Variants in SOCS7 observed in about 807,000 individuals in gnomAD.
SOCS7 encodes NAP-4.
Under a neutral mutation model 58.9 loss-of-function variants are expected in SOCS7, and 18 were observed. The observed-to-expected ratio is 0.31, with a 90% confidence interval of 0.21 to 0.45. The LOEUF (loss-of-function observed/expected upper bound fraction) is 0.45. Ranked by LOEUF, SOCS7 falls within the 20% of genes least tolerant of loss-of-function variation. The probability of loss-of-function intolerance (pLI) is 1.00; values close to 1 mark genes in which losing one functional copy is unlikely to be tolerated. For missense variants in SOCS7, 667 were observed against 837.3 expected (o/e 0.80, Z 2.51); for synonymous variants, 388 against 364.3 (o/e 1.06, Z -0.74).
intron 1 of SOCS7, among the ~76,000 whole-genome samples, chr17:38,360,521 T>A (rs1555567420): frequency 1.3e-5 from 2 of 149,376 alleles, no homozygotes; most frequent in Non-Finnish European, 3.0e-5. Flanking sequence ...TTTTTTATTT[T>A]TTTATTTTTA....
intron 7 of SOCS7, among the ~76,000 whole-genome samples, chr17:38,393,355 G>A (rs914535383): frequency 6.6e-6 from 1 of 152,054 alleles, no homozygotes; most frequent in Non-Finnish European, 1.5e-5. Flanking sequence ...AAACTATCTG[G>A]GCCGGGCATG....
At chr17:38,387,098 AAAAAATAT>A (rs2038078984) in intron 7 of SOCS7, among the ~76,000 whole-genome samples, 1 of 89,532 alleles carries the variant, frequency 1.1e-5, no homozygotes, top group Non-Finnish European at 1.9e-5. Context: ...AAAAAAAAAA[AAAAAATAT>A]ATATATATAT....
chr17:38,390,393 G>A (rs1181552977), intron 7 of SOCS7, among the ~76,000 whole-genome samples: 1 of 151,878 alleles, frequency 6.6e-6, no homozygotes, highest in Non-Finnish European at 1.5e-5. Flanking sequence ...GACTATTTTG[G>A]GTCTCTTGCA....
rs1002852051 is a variant in SOCS7 at position 38,405,291 on chromosome 17, G to A, written c.*5809G>A. Reference sequence around the variant, plus strand: ...TAAACAAAACAAATGCACTTTGGGTGTGTTTTGGTATTTTTCTGGGGATAG... The same window carrying A: ...TAAACAAAACAAATGCACTTTGGGTATGTTTTGGTATTTTTCTGGGGATAG... On this transcript the variant is annotated 3_prime_UTR_variant, in exon 10 of 10. Transcript: ENST00000612932. 3.3e-5 allele frequency: 5 copies of A among 152,158 alleles called. No individual in the cohort carries two copies. The highest frequency in any genetic ancestry group is 1.2e-4 in the African/African-American group (5 of 41,488). 9.4% of individuals were successfully genotyped at this position (152,158 alleles called of 1,614,324 possible).
chr17:38,384,850 C>G (rs1414545081), intron 7 of SOCS7, among the ~76,000 whole-genome samples: 2 of 151,122 alleles, frequency 1.3e-5, no homozygotes, highest in East Asian at 3.9e-4. Context: ...CTCAGCCTCC[C>G]AAAGTGCTGG....
chr17:38,393,817 A>G (rs749716236), intron 7 of SOCS7, among the ~76,000 whole-genome samples: 98 of 146,298 alleles, frequency 6.7e-4, no homozygotes, highest in Non-Finnish European at 9.8e-4. Context: ...GGAGAATGGC[A>G]TGAACCCGGG....
At chr17:38,391,606 G>A (rs72834019) in intron 7 of SOCS7, among the ~76,000 whole-genome samples, 3 of 151,882 alleles carry the variant, frequency 2.0e-5, no homozygotes, top group Non-Finnish European at 2.9e-5. Flanking sequence ...TCCCTATGTT[G>A]CCCAGGCCAA....
chr17:38,387,133 G>GTATATATATATATATATATATGTATATA (rs1191192504), intron 7 of SOCS7, among the ~76,000 whole-genome samples: 1 of 73,484 alleles, frequency 1.4e-5, no homozygotes, highest in African/African-American at 7.0e-5. Flanking sequence ...ATATATGTAT[G>GTATATATATATATATATATATGTATATA]TATATATATA....
chr17:38,364,584 T>C (rs1012590332), intron 2 of SOCS7, among the ~76,000 whole-genome samples, 168 bp from the exon 3 acceptor site: 4 of 152,172 alleles, frequency 2.6e-5, no homozygotes, highest in African/African-American at 9.7e-5. Context: ...AATTTAAAAA[T>C]TGACTTCCTG....
intron 7 of SOCS7, among the ~76,000 whole-genome samples, chr17:38,389,799 A>G (rs1454907462): frequency 7.9e-6 from 1 of 127,024 alleles, no homozygotes; most frequent in Non-Finnish European, 1.7e-5. Context: ...TAGCTTTTAC[A>G]TTAGGTCTAC....
intron 5 of SOCS7, 99 bp downstream of exon 5, chr17:38,366,516 A>G: frequency 7.0e-7 from 1 of 1,426,740 alleles, no homozygotes; most frequent in Non-Finnish European, 9.7e-7. Flanking sequence ...ATTTTTAGAG[A>G]CAGGGTCTGG....
chr17:38,393,940 A>AC (rs1314143622), intron 7 of SOCS7, among the ~76,000 whole-genome samples: 1 of 152,122 alleles, frequency 6.6e-6, no homozygotes, highest in Non-Finnish European at 1.5e-5. Context: ...TTGAACTTAA[A>AC]CCCCAATAAT....
At chr17:38,353,805 G>T (rs954899128) in intron 1 of SOCS7, among the ~76,000 whole-genome samples, 1 of 152,128 alleles carries the variant, frequency 6.6e-6, no homozygotes, top group Non-Finnish European at 1.5e-5. Context: ...AGGCGGGAGT[G>T]GTCCCAGCTA....
At position 38,352,889 on chromosome 17, in the gene SOCS7, T is replaced by G; in HGVS notation, c.837T>G (p.Ser279Arg). Residue 279 changes from serine (S) to arginine (R), a missense_variant, in exon 1 of 10, where the codon AGT becomes AGG. This residue lies in a region of SOCS7 where 208 missense variants were observed against 190.3 expected (regional missense o/e 1.09). Coordinates refer to ENST00000612932, the MANE Select transcript of SOCS7 (RefSeq NM_014598.4). This position sits in a 1 kb window ranked among gnomAD's most constrained non-coding sequence, Gnocchi z 5.5. Reference protein sequence around the residue: ...SRKGSFKIRLSRLFRTKSCNG... With the variant: ...SRKGSFKIRLRRLFRTKSCNG... ...AGGGCTCCTTCAAAATCCGCCTCAG[T>G]CGCCTCTTTCGCACCAAGAGCTGCA... 6.2e-7 allele frequency: 1 copy of G among 1,600,428 alleles called. No homozygotes were observed. The highest frequency in any genetic ancestry group is 1.1e-5 in the South Asian group (1 of 88,356).
At chr17:38,361,615 A>G in intron 1 of SOCS7, 96 bp from the exon 2 acceptor site, 1 of 923,338 alleles carries the variant, frequency 1.1e-6, no homozygotes, top group Non-Finnish European at 1.8e-6. Flanking sequence ...GGTTTGCTTT[A>G]TTTCTCAGTG....
At position 38,357,114 on chromosome 17, in the gene SOCS7, A is replaced by G. The variant is rs1231560180; in HGVS notation, c.980+4082A>G. ...TTTATTTGGGGGGGAAAAAAACAAA[A>G]TATAGAATTCTGGAAAGAGAGGCAG... On this transcript the variant is annotated intron_variant, in intron 1 of 9. Coordinates refer to ENST00000612932, the MANE Select transcript of SOCS7 (RefSeq NM_014598.4). Among the ~76,000 whole-genome samples, 5 of 152,202 alleles carry G rather than the reference A, an allele frequency of 3.3e-5. No individual in the cohort carries two copies. The East Asian group carries it at 9.6e-4, about 29-fold the overall frequency.
At chr17:38,398,428 A>G (rs1343579546) in intron 9 of SOCS7, among the ~76,000 whole-genome samples, 1 of 151,878 alleles carries the variant, frequency 6.6e-6, no homozygotes, top group African/African-American at 2.4e-5. Context: ...TATTTTTAGT[A>G]GACTGGGTTT....
intron 2 of SOCS7, 78 bp from the exon 3 acceptor site, chr17:38,364,674 C>T (rs977115965): frequency 1.7e-6 from 2 of 1,178,650 alleles, no homozygotes; most frequent in Non-Finnish European, 2.5e-6. Flanking sequence ...CGCCTGCTTG[C>T]CCTTTGCTTC....
intron 7 of SOCS7, among the ~76,000 whole-genome samples, chr17:38,383,445 A>G (rs1270025673): frequency 1.3e-5 from 2 of 151,930 alleles, no homozygotes; most frequent in East Asian, 3.9e-4. Context: ...GTTGAATGAT[A>G]CTCTGGGTGG....
Sources: allele counts gnomAD v4.1 joint callset (sites outside exome capture counted in the v4.1 genomes callset), GRCh38; gene constraint gnomAD v4.1.1; regional missense constraint gnomAD v4.1.1; non-coding constraint Gnocchi (gnomAD v3.1); transcripts MANE v1.5; gene names NCBI Gene and HGNC (gene_info 2026-07-23, HGNC 2026-07-21).